The following MTSS1 variants were observed in gnomAD, a reference collection of about 807,000 sequenced individuals.
The protein encoded by MTSS1 is protein MTSS 1.
Under a neutral mutation model 79.0 loss-of-function variants are expected in MTSS1, and 18 were observed. The observed-to-expected ratio is 0.23, with a 90% CI of 0.16 to 0.34. The LOEUF (loss-of-function observed/expected upper bound fraction) is 0.34. MTSS1 is among the 10% of genes least tolerant of loss of function. The pLI, the probability that MTSS1 is intolerant of heterozygous loss-of-function variation, is 1.00. For missense variants in MTSS1, 815 were observed against 986.2 expected (o/e 0.83, Z 2.33); for synonymous variants, 341 against 368.6 (o/e 0.93, Z 0.86).
rs1409592525 is a variant in MTSS1, at chr8:124,552,554, GCTT to G, written c.*435_*437del. 6.0e-6 allele frequency: 1 copy of G among 166,428 alleles called. No homozygotes were observed. Among genetic ancestry groups the G allele is most frequent in the African/African-American group, 2.4e-5 (1 of 41,576 alleles). The allele number at this position is 166,428 out of a possible 1,614,324, so 10.3% of individuals were successfully genotyped here. A position where few individuals can be genotyped will look rare whatever the true frequency, so the allele number is the denominator to read the frequency against. ...TTGTACATTAAAATAACTTGCATTT[GCTT>G]CTAAGCTAGACTACTACAATGCATC... On this transcript the variant is annotated 3_prime_UTR_variant, in exon 14 of 14. Coordinates refer to ENST00000518547, the MANE Select transcript of MTSS1 (RefSeq NM_014751.6).
chr8:124,611,808 A>G lies in MTSS1; in HGVS notation c.209-20573T>C, dbSNP rs541954333. On this transcript the variant is annotated intron_variant, in intron 3 of 13. Transcript: ENST00000518547. ...GTCTACCATCCCAAAAGAAGACTGG[A>G]GAAATAAAACAGATTTGCATGACGT... Among the ~76,000 whole-genome samples, 11 of 152,368 alleles carry G rather than the reference A, an allele frequency of 7.2e-5. No individual in the cohort carries two copies. The East Asian group carries it at 2.1e-3, about 29-fold the overall frequency.
chr8:124,624,753 C>A (rs570495379), intron 3 of MTSS1, among the ~76,000 whole-genome samples: 1 of 152,178 alleles, frequency 6.6e-6, no homozygotes, highest in East Asian at 1.9e-4. Flanking sequence ...AACCACCAGA[C>A]GGCTGGAAAT....
At chr8:124,587,017 T>C (rs1184313028) in intron 5 of MTSS1, among the ~76,000 whole-genome samples, 1 of 152,222 alleles carries the variant, frequency 6.6e-6, no homozygotes, top group Non-Finnish European at 1.5e-5. Context: ...TCAGCTTTGC[T>C]GTACCAGCAA....
intron 3 of MTSS1, among the ~76,000 whole-genome samples, chr8:124,606,537 A>G (rs1310915780): frequency 1.3e-5 from 2 of 152,176 alleles, no homozygotes; most frequent in East Asian, 3.8e-4. Context: ...CACAGAATTC[A>G]GAATTTACAT....
chr8:124,654,219 T>A (rs529396458), intron 3 of MTSS1, among the ~76,000 whole-genome samples: 1 of 152,348 alleles, frequency 6.6e-6, no homozygotes, highest in Non-Finnish European at 1.5e-5. Context: ...TAGCTGCTGA[T>A]ACAATCCTGA....
chr8:124,570,552 T>C (rs377257858), intron 6 of MTSS1, among the ~76,000 whole-genome samples: 52 of 152,350 alleles, frequency 3.4e-4, no homozygotes, highest in Middle Eastern at 3.4e-3. Flanking sequence ...AACTTTACCA[T>C]AGACATGTAT....
At chr8:124,595,106 C>G (rs1832532740) in intron 3 of MTSS1, among the ~76,000 whole-genome samples, 1 of 151,934 alleles carries the variant, frequency 6.6e-6, no homozygotes, top group East Asian at 1.9e-4. Flanking sequence ...CAGGCTGGCC[C>G]TATCTGGAGG....
At chr8:124,595,193 C>T (rs1832547700) in intron 3 of MTSS1, among the ~76,000 whole-genome samples, 1 of 152,136 alleles carries the variant, frequency 6.6e-6, no homozygotes, top group Non-Finnish European at 1.5e-5. Flanking sequence ...AAACAAGATG[C>T]TTAATCTTAG....
intron 1 of MTSS1, among the ~76,000 whole-genome samples, chr8:124,705,901 AT>A (rs1830318236): frequency 6.6e-6 from 1 of 152,120 alleles, no homozygotes; most frequent in East Asian, 1.9e-4. Flanking sequence ...CCCACCCCCT[AT>A]TTGGGACAAC....
At chr8:124,691,273 A>G (rs1163899971) in intron 3 of MTSS1, among the ~76,000 whole-genome samples, 2 of 152,200 alleles carry the variant, frequency 1.3e-5, no homozygotes, top group African/African-American at 4.8e-5. Context: ...GCAGCTCTAA[A>G]ATCTGTGTAT....
chr8:124,572,461 G>C (rs1827979095), intron 6 of MTSS1, among the ~76,000 whole-genome samples: 1 of 152,192 alleles, frequency 6.6e-6, no homozygotes, highest in Non-Finnish European at 1.5e-5. Flanking sequence ...CAAATTCAGA[G>C]AGTTGTGTTG....
chr8:124,560,519 C>T (rs1163249049), intron 10 of MTSS1, among the ~76,000 whole-genome samples: 1 of 152,102 alleles, frequency 6.6e-6, no homozygotes, highest in Non-Finnish European at 1.5e-5. Flanking sequence ...AGCATGGTGG[C>T]ACATGCCTAT....
chr8:124,706,191 A>C (rs780669592), intron 1 of MTSS1, among the ~76,000 whole-genome samples: 22 of 152,212 alleles, frequency 1.4e-4, no homozygotes, highest in Non-Finnish European at 2.1e-4. Context: ...CTAGCTGTCA[A>C]TTCTGTCTGA....
intron 2 of MTSS1, among the ~76,000 whole-genome samples, chr8:124,700,608 C>CTA (rs1183406653): frequency 1.3e-5 from 2 of 152,284 alleles, no homozygotes; most frequent in Middle Eastern, 3.4e-3. Flanking sequence ...GGAGAAGGTA[C>CTA]TATAGTCACT....
intron 1 of MTSS1, among the ~76,000 whole-genome samples, chr8:124,706,193 T>A (rs1830364574): frequency 6.6e-6 from 1 of 152,216 alleles, no homozygotes; most frequent in African/African-American, 2.4e-5. Flanking sequence ...AGCTGTCAAT[T>A]CTGTCTGAAA....
chr8:124,682,506 A>G (rs1826280195), intron 3 of MTSS1, among the ~76,000 whole-genome samples: 1 of 152,226 alleles, frequency 6.6e-6, no homozygotes, highest in African/African-American at 2.4e-5. Flanking sequence ...CAGGAGAGTA[A>G]GCCTTTGGAT....
intron 3 of MTSS1, among the ~76,000 whole-genome samples, chr8:124,602,906 A>G (rs542686805): frequency 6.6e-6 from 1 of 152,226 alleles, no homozygotes; most frequent in Non-Finnish European, 1.5e-5. Flanking sequence ...GCCTGCCCCC[A>G]TAGAGTGGGC....
intron 3 of MTSS1, among the ~76,000 whole-genome samples, chr8:124,641,853 T>C (rs570352479): frequency 1.3e-5 from 2 of 152,290 alleles, no homozygotes; most frequent in East Asian, 1.9e-4. Context: ...TTAAAAAGTA[T>C]CAGACCCAGA....
chr8:124,576,850 G>GT (rs1358211509), intron 6 of MTSS1, among the ~76,000 whole-genome samples: 1 of 152,212 alleles, frequency 6.6e-6, no homozygotes, highest in East Asian at 1.9e-4. Flanking sequence ...TTTCAAGCAA[G>GT]TTGTCTGTTT....
Sources: allele counts gnomAD v4.1 joint callset (sites outside exome capture counted in the v4.1 genomes callset), GRCh38; gene constraint gnomAD v4.1.1; transcripts MANE v1.5; gene names NCBI Gene and HGNC (gene_info 2026-07-23, HGNC 2026-07-21).